Variants in PNLDC1 observed in about 807,000 individuals in gnomAD.
PNLDC1 encodes the protein poly(A)-specific ribonuclease PNLDC1.
A neutral mutation model predicts 82.0 loss-of-function variants in PNLDC1; 70 were observed. The observed-to-expected ratio is 0.85, with a 90% CI of 0.70 to 1.04. The LOEUF (loss-of-function observed/expected upper bound fraction) is 1.04. Among genes scored for constraint, PNLDC1 ranks in the 50% least tolerant of loss-of-function variants. PNLDC1 has a pLI of 0.00. For synonymous variants in PNLDC1, 280 were observed against 249.3 expected (o/e 1.12, Z -1.16); for missense variants, 631 against 661.1 (o/e 0.95, Z 0.50).
chr6:159,811,721 C>A lies in PNLDC1; in HGVS notation c.874C>A (p.Gln292Lys). The A allele has an allele frequency of 6.2e-7, 1 of 1,613,566 alleles. No homozygotes were observed. ...CTCAGAAAGCTACGATCAATTTAAG[C>A]AGAATATCCACAGCCTATTTCCTGT... ...PLPESYDQFK[Q>K]NIHSLFPVLI... The change falls in exon 11 of 19, where the codon CAG becomes AAG. Residue 292 changes from glutamine (Q) to lysine (K), a missense_variant. Gln to Lys is a moderately conservative substitution (Grantham distance 53, BLOSUM62 1). Coordinates refer to ENST00000392167, the MANE Select transcript of PNLDC1 (RefSeq NM_001271862.2).
At chr6:159,811,645 T>G in intron 10 of PNLDC1, 56 bp from the exon 11 acceptor site, 1 of 1,393,924 alleles carries the variant, frequency 7.2e-7, no homozygotes, top group Non-Finnish European at 1.0e-6. Context: ...GAATGTTCCT[T>G]CCCATTTTTG....
At chr6:159,816,706 C>A in intron 14 of PNLDC1, 110 bp downstream of exon 14, 1 of 962,530 alleles carries the variant, frequency 1.0e-6, no homozygotes, top group Non-Finnish European at 1.6e-6. Flanking sequence ...GATCTCGGCT[C>A]ACTGCAGCCT....
chr6:159,811,179 AG>A (rs1245498466), intron 10 of PNLDC1, among the ~76,000 whole-genome samples: 1 of 152,174 alleles, frequency 6.6e-6, no homozygotes, highest in Non-Finnish European at 1.5e-5. Flanking sequence ...AGGAAATGGG[AG>A]AGTAGCGGGA....
At chr6:159,808,529 T>TTAA (rs1554273214) in intron 7 of PNLDC1, among the ~76,000 whole-genome samples, 37 of 127,374 alleles carry the variant, frequency 2.9e-4, no homozygotes, top group Non-Finnish European at 4.9e-4. Context: ...GGCCCTGAGA[T>TTAA]AAAAAAAAAA....
chr6:159,808,971 T>C (rs1256472299), intron 8 of PNLDC1, 44 bp from the exon 9 acceptor site: 2 of 1,604,154 alleles, frequency 1.2e-6, no homozygotes, highest in African/African-American at 2.7e-5. Flanking sequence ...TTAGGCCTCA[T>C]TCCTAGTAAC....
intron 7 of PNLDC1, among the ~76,000 whole-genome samples, chr6:159,808,209 C>T (rs1314626447): frequency 6.6e-6 from 1 of 152,166 alleles, no homozygotes; most frequent in East Asian, 1.9e-4. Flanking sequence ...CCACTGCGCC[C>T]AGCCGTGAGG....
intron 13 of PNLDC1, among the ~76,000 whole-genome samples, 176 bp from the exon 14 acceptor site, chr6:159,816,367 T>C (rs1223780292): frequency 5.3e-5 from 8 of 151,146 alleles, no homozygotes; most frequent in African/African-American, 1.9e-4. Context: ...GCTCTGATCT[T>C]GGGGCTTTCT....
At chr6:159,820,009 G>A (rs1055958997) in intron 18 of PNLDC1, among the ~76,000 whole-genome samples, 4 of 152,142 alleles carry the variant, frequency 2.6e-5, no homozygotes, top group Non-Finnish European at 5.9e-5. Context: ...GAGGCGAGAC[G>A]CTGTGAGAGC....
rs6913345 is a variant in PNLDC1, at chr6:159,802,731, C to T, written c.209-540C>T. On this transcript the variant is annotated intron_variant, in intron 3 of 18. Coordinates refer to ENST00000392167, the MANE Select transcript of PNLDC1 (RefSeq NM_001271862.2). Reference sequence around the variant, plus strand: ...CTGAGTAGCTGGGATTACAGGTGCGCGCCACCACACCTAGCTAATTTTTGT... The same window carrying T: ...CTGAGTAGCTGGGATTACAGGTGCGTGCCACCACACCTAGCTAATTTTTGT... Among the ~76,000 whole-genome samples, 465 of 152,080 alleles carry T rather than the reference C, an allele frequency of 3.1e-3. 3 individuals are homozygous for T. Among genetic ancestry groups the T allele is most frequent in the African/African-American group, 9.3e-3 (385 of 41,478 alleles).
intron 7 of PNLDC1, among the ~76,000 whole-genome samples, chr6:159,806,540 A>G (rs887500832): frequency 3.3e-5 from 5 of 152,130 alleles, no homozygotes; most frequent in Admixed American, 2.0e-4. Flanking sequence ...CCTCAGCTGT[A>G]CTTGCTATTG....
chr6:159,818,166 T>C (rs1327974918), intron 15 of PNLDC1, among the ~76,000 whole-genome samples: 1 of 152,122 alleles, frequency 6.6e-6, no homozygotes, highest in Non-Finnish European at 1.5e-5. Flanking sequence ...GCACTGGCAG[T>C]GGGAGGAGGC....
chr6:159,808,563 C>T (rs1781533685), intron 7 of PNLDC1, among the ~76,000 whole-genome samples, 177 bp from the exon 8 acceptor site: 2 of 151,472 alleles, frequency 1.3e-5, no homozygotes, highest in African/African-American at 4.8e-5. Flanking sequence ...AGAATGCTGC[C>T]CCAGATCCCA....
chr6:159,808,792 C>T lies in PNLDC1; in HGVS notation c.615C>T (p.Ile205=). 6.2e-7 allele frequency: 1 copy of T among 1,614,114 alleles called. No homozygotes were observed. The highest frequency in any genetic ancestry group is 8.5e-7 in the Non-Finnish European group (1 of 1,179,998). ...QLVLRQALPN[I]WTVLKDEGVV... ...TGCTGAGGCAGGCCCTCCCCAACAT[C>T]TGGACGGTGCTGAAAGATGAGGGGG... The change falls in exon 8 of 19, where the codon ATC becomes ATT. Residue 205 remains isoleucine, a synonymous_variant. Transcript: ENST00000392167.
At position 159,819,166 on chromosome 6, in the gene PNLDC1, C is replaced by T. The variant is rs760781819; in HGVS notation, c.1433+45C>T. 9.9e-6 allele frequency: 16 copies of T among 1,610,018 alleles called. No individual in the cohort carries two copies. The highest frequency in any genetic ancestry group is 1.4e-5 in the Non-Finnish European group (16 of 1,177,188). ...CGTCCCCCACCCCTCGTGCGTTCAT[C>T]CCTGTATCTCTCTGACTCCACCCGC... On this transcript the variant is annotated intron_variant, in intron 17 of 18. Coordinates refer to ENST00000392167, the MANE Select transcript of PNLDC1 (RefSeq NM_001271862.2). The surrounding 1 kb of genome is among the most constrained non-coding windows in gnomAD (Gnocchi z 4.6).
intron 10 of PNLDC1, among the ~76,000 whole-genome samples, chr6:159,810,858 G>A (rs1228145612): frequency 6.6e-6 from 1 of 152,226 alleles, no homozygotes; most frequent in African/African-American, 2.4e-5. Flanking sequence ...GGCATATTGA[G>A]AGAGTTGGAG....
In PNLDC1 at chr6:159,815,006, A is replaced by T. The variant is rs537110714; in HGVS notation, c.996-963A>T. Among the ~76,000 whole-genome samples the T allele has an allele frequency of 2.0e-5, 3 of 152,324 alleles. No homozygotes were observed. The East Asian group carries it at 5.8e-4, about 29-fold the overall frequency. ...GACATTAGGGGTCAGGAGGCTAAGC[A>T]CGTGAGGTTCCAGAACATCTTATTG... On this transcript the variant is annotated intron_variant, in intron 12 of 18. Coordinates refer to ENST00000392167, the MANE Select transcript of PNLDC1 (RefSeq NM_001271862.2).
chr6:159,802,205 T>C (rs1781285925), intron 3 of PNLDC1, among the ~76,000 whole-genome samples: 1 of 152,254 alleles, frequency 6.6e-6, no homozygotes, highest in Non-Finnish European at 1.5e-5. Flanking sequence ...CATGAACAAA[T>C]GAGCATGGCT....
intron 3 of PNLDC1, among the ~76,000 whole-genome samples, chr6:159,802,724 A>G (rs555790486): frequency 1.3e-5 from 2 of 152,270 alleles, no homozygotes; most frequent in East Asian, 3.9e-4. Flanking sequence ...CTGGGATTAC[A>G]GGTGCGCGCC....
At chr6:159,809,445 T>G (rs1411752664) in intron 9 of PNLDC1, among the ~76,000 whole-genome samples, 3 of 129,866 alleles carry the variant, frequency 2.3e-5, no homozygotes, top group Non-Finnish European at 3.4e-5. Flanking sequence ...CCACCATACC[T>G]GGCTAATTTT....
Sources: gnomAD v4.1 joint callset for allele counts (sites outside exome capture counted in the v4.1 genomes callset) on GRCh38, gnomAD v4.1.1 for gene constraint, Gnocchi (gnomAD v3.1) non-coding constraint, MANE v1.5 for transcripts, NCBI Gene and HGNC (gene_info 2026-07-23, HGNC 2026-07-21) for gene names.